The following JARID2 variants were observed in gnomAD, a reference collection of about 807,000 sequenced individuals.
JARID2 encodes protein Jumonji.
In JARID2, 21 loss-of-function variants were observed where a neutral mutation model predicts 125.6. The observed-to-expected ratio is 0.17, with a 90% confidence interval of 0.12 to 0.24. The LOEUF is 0.24. JARID2 is among the 10% of genes least tolerant of loss of function. JARID2 has a pLI of 1.00. For missense variants in JARID2, 1,303 were observed against 1,639.6 expected (o/e 0.79, Z 3.55); for synonymous variants, 736 against 661.6 (o/e 1.11, Z -1.73).
chr6:15,304,125 C>T (rs764815232), intron 1 of JARID2, among the ~76,000 whole-genome samples: 1 of 152,088 alleles, frequency 6.6e-6, no homozygotes, highest in Non-Finnish European at 1.5e-5. Context: ...AGAGTAAGTG[C>T]AGGTGATAGT....
At chr6:15,500,572 A>G (rs1236260554) in intron 7 of JARID2, among the ~76,000 whole-genome samples, 1 of 152,178 alleles carries the variant, frequency 6.6e-6, no homozygotes, top group Non-Finnish European at 1.5e-5. Flanking sequence ...GTACCAGTAC[A>G]TGGTACACTG....
At position 15,407,647 on chromosome 6, in the gene JARID2, G is replaced by A. The variant is rs75736259; in HGVS notation, c.182-2577G>A. 5.3e-3 allele frequency among the ~76,000 whole-genome samples: 805 copies of A among 151,948 alleles called. 5 individuals carry two copies. The highest frequency in any genetic ancestry group is 7.5e-3 in the Non-Finnish European group (507 of 67,970). On this transcript the variant is annotated intron_variant, in intron 2 of 17. Coordinates refer to ENST00000341776, the MANE Select transcript of JARID2 (RefSeq NM_004973.4). ...GCTCTTCTTCCTCCTTGTCCTCTTCGTCCATCACCACTTCGTGTTTTTAGG... is the reference window on the plus strand; with the variant it reads ...GCTCTTCTTCCTCCTTGTCCTCTTCATCCATCACCACTTCGTGTTTTTAGG...
At chr6:15,264,633 G>A (rs1448463202) in intron 1 of JARID2, among the ~76,000 whole-genome samples, 1 of 151,442 alleles carries the variant, frequency 6.6e-6, no homozygotes, top group African/African-American at 2.4e-5. Flanking sequence ...GTGTGTGTGT[G>A]TGTGTGTGAG....
intron 1 of JARID2, among the ~76,000 whole-genome samples, chr6:15,255,527 T>A (rs1759630272): frequency 6.6e-6 from 1 of 152,160 alleles, no homozygotes; most frequent in Non-Finnish European, 1.5e-5. Context: ...ATGTGGGAGA[T>A]CTTCTGACAC....
At chr6:15,418,885 G>A (rs954870262) in intron 3 of JARID2, among the ~76,000 whole-genome samples, 1 of 152,258 alleles carries the variant, frequency 6.6e-6, no homozygotes. Context: ...CTGCACGACT[G>A]TGTTCCTTAT....
intron 3 of JARID2, among the ~76,000 whole-genome samples, chr6:15,429,734 G>T (rs1210816752): frequency 6.6e-6 from 1 of 152,180 alleles, no homozygotes; most frequent in East Asian, 1.9e-4. Context: ...TGTTAGGAAA[G>T]AACCGAGTAC....
At chr6:15,385,006 A>T (rs971740960) in intron 2 of JARID2, among the ~76,000 whole-genome samples, 1 of 152,256 alleles carries the variant, frequency 6.6e-6, no homozygotes, top group East Asian at 1.9e-4. Context: ...CTGCCTTTGT[A>T]TTCCTCCTGG....
chr6:15,465,562 C>T (rs1175577906), intron 4 of JARID2, among the ~76,000 whole-genome samples: 1 of 152,214 alleles, frequency 6.6e-6, no homozygotes, highest in African/African-American at 2.4e-5. Flanking sequence ...CTCACCCTAA[C>T]ATAAACTCAA....
At chr6:15,315,977 A>G (rs1391738840) in intron 1 of JARID2, among the ~76,000 whole-genome samples, 1 of 152,026 alleles carries the variant, frequency 6.6e-6, no homozygotes, top group African/African-American at 2.4e-5. Flanking sequence ...TGGAACCAAG[A>G]TTAGAAAGAA....
At chr6:15,443,912 T>G in intron 3 of JARID2, among the ~76,000 whole-genome samples, 1 of 152,214 alleles carries the variant, frequency 6.6e-6, no homozygotes, top group South Asian at 2.1e-4. Flanking sequence ...AACATCATAA[T>G]GTTTCATCTT....
chr6:15,249,611 A>G (rs1318036498), intron 1 of JARID2, among the ~76,000 whole-genome samples: 1 of 152,222 alleles, frequency 6.6e-6, no homozygotes, highest in African/African-American at 2.4e-5. Context: ...ATGCCTCTTT[A>G]TAAGTAAGGT....
intron 1 of JARID2, among the ~76,000 whole-genome samples, chr6:15,283,018 G>A (rs1437428997): frequency 6.6e-6 from 1 of 151,248 alleles, no homozygotes; most frequent in African/African-American, 2.4e-5. Context: ...TCACTCTGTT[G>A]CCCAGGCTGG....
Position 15,517,754 on chromosome 6 carries a change from AG to A in JARID2, c.3558+492del, listed in dbSNP as rs1249776484. On this transcript the variant is annotated intron_variant, in intron 17 of 17. Transcript: ENST00000341776. ...CTGCAGGTGCCACGCTCTTCTGGAG[AG>A]GGGGGTCATAACAACACACAGCCTG... Among the ~76,000 whole-genome samples, 3 of 152,036 alleles carry A rather than the reference AG, an allele frequency of 2.0e-5. No homozygotes were observed. In the South Asian group the frequency reaches 6.2e-4, roughly 32 times the overall value.
chr6:15,290,827 AG>A (rs1434760446), intron 1 of JARID2, among the ~76,000 whole-genome samples: 9 of 152,246 alleles, frequency 5.9e-5, no homozygotes, highest in Admixed American at 1.3e-4. Context: ...TCACCATGTT[AG>A]CCAGTATGGT....
intron 3 of JARID2, among the ~76,000 whole-genome samples, chr6:15,423,024 G>A (rs1766569859): frequency 6.8e-6 from 1 of 146,222 alleles, no homozygotes; most frequent in Non-Finnish European, 1.5e-5. Flanking sequence ...ATTTGAGACA[G>A]GGCCTGGCTC....
intron 5 of JARID2, 85 bp from the exon 6 acceptor site, chr6:15,487,222 G>C (rs1769914481): frequency 1.5e-5 from 17 of 1,120,984 alleles, no homozygotes; most frequent in Non-Finnish European, 2.2e-5. Context: ...GATTTGGGTG[G>C]GGACACAGAG....
chr6:15,295,123 C>G (rs1399077637), intron 1 of JARID2, among the ~76,000 whole-genome samples: 1 of 129,458 alleles, frequency 7.7e-6, no homozygotes, highest in African/African-American at 2.9e-5. Flanking sequence ...TTTTTTCTTT[C>G]TTTTTTTTTT....
At chr6:15,263,719 A>G (rs1759974838) in intron 1 of JARID2, among the ~76,000 whole-genome samples, 1 of 151,730 alleles carries the variant, frequency 6.6e-6, no homozygotes, top group Non-Finnish European at 1.5e-5. Context: ...CAGCCTCCAG[A>G]GTAGCCAGGA....
chr6:15,452,057 C>T lies in JARID2; in HGVS notation c.375C>T (p.Pro125=). 6.2e-7 allele frequency: 1 copy of T among 1,614,116 alleles called. No individual in the cohort carries two copies. The highest frequency in any genetic ancestry group is 8.5e-7 in the Non-Finnish European group (1 of 1,180,010). The part of the protein sequence containing the change: ...RKFAQSQPNS[P]STTPVKIVEP... ...TTGCTCAGTCTCAGCCGAATAGTCC[C>T]AGCACAACTCCAGTAAAGATAGTGG... Residue 125 remains proline (P), a synonymous_variant, in exon 4 of 18, where the codon CCC becomes CCT. Transcript: ENST00000341776.
Sources: gnomAD v4.1 joint callset for allele counts (sites outside exome capture counted in the v4.1 genomes callset) on GRCh38, gnomAD v4.1.1 for gene constraint, MANE v1.5 for transcripts, NCBI Gene and HGNC (gene_info 2026-07-23, HGNC 2026-07-21) for gene names.